The following FBXL7 variants were observed in gnomAD, a reference collection of about 807,000 sequenced individuals.
FBXL7 encodes F-box/LRR-repeat protein 7.
Under a neutral mutation model 38.3 loss-of-function variants are expected in FBXL7, and 12 were observed. The ratio of observed to expected loss-of-function variants is 0.31; its 90% confidence interval spans 0.20 to 0.51. The LOEUF (loss-of-function observed/expected upper bound fraction) is 0.51, where lower values mean the gene tolerates loss of function less well. Among genes scored for constraint, FBXL7 ranks in the 20% least tolerant of loss-of-function variants. The probability of loss-of-function intolerance (pLI) is 0.98; values close to 1 mark genes in which losing one functional copy is unlikely to be tolerated. For missense variants in FBXL7, 567 were observed against 676.4 expected (o/e 0.84, Z 1.79); for synonymous variants, 297 against 300.9 (o/e 0.99, Z 0.13).
At chr5:15,744,402 C>T (rs748080007) in intron 2 of FBXL7, among the ~76,000 whole-genome samples, 14 of 152,190 alleles carry the variant, frequency 9.2e-5, no homozygotes, top group Non-Finnish European at 1.5e-4. Flanking sequence ...CAGTTCCCAA[C>T]AAGTTTCCCA....
At chr5:15,567,381 C>T (rs1489878382) in intron 1 of FBXL7, among the ~76,000 whole-genome samples, 1 of 151,960 alleles carries the variant, frequency 6.6e-6, no homozygotes, top group Non-Finnish European at 1.5e-5. Context: ...GTTTTTTCTT[C>T]CAAGCTGTAA....
intron 2 of FBXL7, among the ~76,000 whole-genome samples, chr5:15,701,662 G>T (rs1187416611): frequency 6.6e-6 from 1 of 152,116 alleles, no homozygotes; most frequent in Non-Finnish European, 1.5e-5. Flanking sequence ...TCTTGGAATG[G>T]AATGTAATAG....
intron 2 of FBXL7, among the ~76,000 whole-genome samples, chr5:15,870,757 C>T (rs1173409611): frequency 1.3e-5 from 2 of 152,232 alleles, no homozygotes; most frequent in African/African-American, 4.8e-5. Context: ...GAATGCCTCT[C>T]TAGATTCCTC....
intron 1 of FBXL7, among the ~76,000 whole-genome samples, chr5:15,578,303 A>G (rs765780415): frequency 1.1e-4 from 17 of 152,176 alleles, no homozygotes; most frequent in Non-Finnish European, 1.9e-4. Context: ...GAGATGAGAC[A>G]TAGCAATGTA....
intron 2 of FBXL7, among the ~76,000 whole-genome samples, chr5:15,808,754 A>G (rs558221630): frequency 6.6e-6 from 1 of 152,334 alleles, no homozygotes; most frequent in Non-Finnish European, 1.5e-5. Context: ...CTAGACTGCC[A>G]GTGCTTGCAC....
intron 2 of FBXL7, among the ~76,000 whole-genome samples, chr5:15,659,307 A>G (rs1741984069): frequency 6.6e-6 from 1 of 152,170 alleles, no homozygotes. Flanking sequence ...GTAGAAAGCT[A>G]CATAACCTCC....
At chr5:15,839,211 G>A (rs1222683355) in intron 2 of FBXL7, among the ~76,000 whole-genome samples, 5 of 150,546 alleles carry the variant, frequency 3.3e-5, no homozygotes, top group South Asian at 2.1e-4. Flanking sequence ...TCTTTCATTC[G>A]TGTTCTTTGT....
intron 2 of FBXL7, among the ~76,000 whole-genome samples, chr5:15,874,522 C>A (rs987583452): frequency 6.6e-6 from 1 of 152,162 alleles, no homozygotes; most frequent in East Asian, 1.9e-4. Flanking sequence ...AGAACCCCAT[C>A]ATCTCAGCCC....
At chr5:15,925,448 T>C (rs1276818378) in intron 2 of FBXL7, among the ~76,000 whole-genome samples, 1 of 152,200 alleles carries the variant, frequency 6.6e-6, no homozygotes, top group Non-Finnish European at 1.5e-5. Flanking sequence ...CAGTGTTAGG[T>C]TATAAACAAG....
chr5:15,784,853 T>C (rs1737092160), intron 2 of FBXL7, among the ~76,000 whole-genome samples: 1 of 152,218 alleles, frequency 6.6e-6, no homozygotes, highest in African/African-American at 2.4e-5. Context: ...TATTTCTTTA[T>C]AGCAGTGCAA....
At chr5:15,534,645 A>G (rs1211278323) in intron 1 of FBXL7, among the ~76,000 whole-genome samples, 1 of 152,158 alleles carries the variant, frequency 6.6e-6, no homozygotes, top group African/African-American at 2.4e-5. Flanking sequence ...TTTTGTGTAG[A>G]CTTGATTTTT....
intron 2 of FBXL7, among the ~76,000 whole-genome samples, chr5:15,792,419 T>C (rs1026288614): frequency 1.5e-4 from 23 of 152,280 alleles, no homozygotes; most frequent in African/African-American, 5.1e-4. Flanking sequence ...GACTGTGCCA[T>C]TTACATCCAT....
At chr5:15,878,412 A>G (rs1379464824) in intron 2 of FBXL7, among the ~76,000 whole-genome samples, 4 of 152,124 alleles carry the variant, frequency 2.6e-5, no homozygotes, top group Non-Finnish European at 5.9e-5. Context: ...TTTCCCCCCA[A>G]GTCTCTCTCC....
At chr5:15,554,025 G>A (rs1185893596) in intron 1 of FBXL7, among the ~76,000 whole-genome samples, 18 of 152,210 alleles carry the variant, frequency 1.2e-4, no homozygotes, top group Admixed American at 1.2e-3. Flanking sequence ...GTGCAGAAAA[G>A]TTATCGTCTG....
chr5:15,525,468 A>G (rs1271099876), intron 1 of FBXL7, among the ~76,000 whole-genome samples: 3 of 152,120 alleles, frequency 2.0e-5, no homozygotes, highest in African/African-American at 4.8e-5. Flanking sequence ...CTGTTTTGCA[A>G]ATGAGGACAT....
intron 2 of FBXL7, among the ~76,000 whole-genome samples, chr5:15,820,001 T>A (rs771093863): frequency 2.4e-4 from 36 of 152,182 alleles, no homozygotes; most frequent in Non-Finnish European, 1.8e-4. Flanking sequence ...TGCCTCCATA[T>A]TGAATTCTAG....
chr5:15,755,497 G>A (rs1311279044), intron 2 of FBXL7, among the ~76,000 whole-genome samples: 1 of 152,138 alleles, frequency 6.6e-6, no homozygotes, highest in Non-Finnish European at 1.5e-5. Context: ...TCTATCTAAT[G>A]AGTAGGTTAG....
intron 2 of FBXL7, among the ~76,000 whole-genome samples, chr5:15,905,897 T>G (rs1741346668): frequency 6.6e-6 from 1 of 151,670 alleles, no homozygotes; most frequent in African/African-American, 2.4e-5. Context: ...TGTCACAATG[T>G]AAAATCATAA....
intron 2 of FBXL7, among the ~76,000 whole-genome samples, chr5:15,687,758 A>G (rs1361643133): frequency 6.6e-6 from 1 of 152,232 alleles, no homozygotes; most frequent in Non-Finnish European, 1.5e-5. Context: ...GATTTAAAAA[A>G]TAAGATCAGT....
Sources: allele counts gnomAD v4.1 joint callset (sites outside exome capture counted in the v4.1 genomes callset), GRCh38; gene constraint gnomAD v4.1.1; transcripts MANE v1.5; gene names NCBI Gene and HGNC (gene_info 2026-07-23, HGNC 2026-07-21).